Variants in BMS1 observed in about 807,000 individuals in gnomAD.
The protein encoded by BMS1 is ribosome biogenesis protein BMS1 homolog.
A neutral mutation model predicts 138.7 loss-of-function variants in BMS1; 53 were observed. That is an observed-to-expected ratio of 0.38 (90% CI 0.31 to 0.48). The LOEUF (loss-of-function observed/expected upper bound fraction) is 0.48. BMS1 is among the 20% of genes least tolerant of loss of function. The pLI is 0.97. For synonymous variants in BMS1, 504 were observed against 539.9 expected (o/e 0.93, Z 0.92); for missense variants, 1,360 against 1,565.5 (o/e 0.87, Z 2.22).
chr10:42,827,027 G>A (rs1185001765), intron 21 of BMS1, among the ~76,000 whole-genome samples: 2 of 152,130 alleles, frequency 1.3e-5, no homozygotes, highest in Non-Finnish European at 2.9e-5. Context: ...TGGGAGGTGG[G>A]GCCTAGTGGG....
chr10:42,810,115 G>C (rs1842129130), intron 13 of BMS1, among the ~76,000 whole-genome samples: 1 of 152,034 alleles, frequency 6.6e-6, no homozygotes, highest in Non-Finnish European at 1.5e-5. Flanking sequence ...TTCATTTTTT[G>C]AATGTTGAAG....
rs879940551 is a variant in BMS1, at chr10:42,811,520, C to CTTTTTTTTTTTTTTT, written c.2330-5074_2330-5073insTTTTTTTTTTTTTTT. 3.3e-5 allele frequency among the ~76,000 whole-genome samples: 4 copies of CTTTTTTTTTTTTTTT among 121,566 alleles called. 1 individual carries two copies. The highest frequency in any genetic ancestry group is 4.9e-5 in the Non-Finnish European group (3 of 61,514). The allele number at this position is 121,566 out of a possible 152,430, so 79.8% of individuals were successfully genotyped here. A position where few individuals can be genotyped will look rare whatever the true frequency, so the allele number is the denominator to read the frequency against. ...CACAAATGTTCACGTGTTGTATTTT[C>CTTTTTTTTTTTTTTT]TTTTTCTTTTTTTTTTTTTTTTGAG... On this transcript the variant is annotated intron_variant, in intron 13 of 22. Coordinates refer to ENST00000374518, the MANE Select transcript of BMS1 (RefSeq NM_014753.4).
intron 13 of BMS1, among the ~76,000 whole-genome samples, chr10:42,809,145 ATTTAT>A (rs1201229116): frequency 6.6e-6 from 1 of 152,074 alleles, no homozygotes; most frequent in Non-Finnish European, 1.5e-5. Context: ...CAGTATATTT[ATTTAT>A]TTTAGTTTTT....
rs755400315 is a variant in BMS1 at position 42,787,177 on chromosome 10, G to T, written c.377G>T (p.Arg126Leu). 8.2e-7 allele frequency: 1 copy of T among 1,219,868 alleles called. No individual in the cohort carries two copies. Among genetic ancestry groups the T allele is most frequent in the East Asian group, 2.3e-5 (1 of 43,094 alleles). The allele number at this position is 1,219,868 out of a possible 1,614,324, so 75.6% of individuals were successfully genotyped here. A position where few individuals can be genotyped will look rare whatever the true frequency, so the allele number is the denominator to read the frequency against. The part of the protein sequence containing the change: ...GPVTIVSGKK[R>L]RLTIIECGCD... ...ATCTTTTCACTTATAGGTAAAAAGC[G>T]CAGACTCACCATTATTGAATGTGGG... The change falls in exon 4 of 23, where the codon CGC becomes CTC. Residue 126 changes from arginine to leucine, a missense_variant. This residue lies in a region of BMS1 where 238 missense variants were observed against 311.1 expected (regional missense o/e 0.77). Transcript: ENST00000374518.
rs148758161 is a variant in BMS1 at position 42,788,150 on chromosome 10, CTAAA to C, written c.447+907_447+910del. ...GTTGTGCCATTGTAATGTCAGAAAA[CTAAA>C]TAACATTCAAATTTTGAACATGTAA... is the stretch of plus-strand genomic sequence containing the variant. On this transcript the variant is annotated intron_variant, in intron 4 of 22. Transcript: ENST00000374518. 4.1e-3 allele frequency among the ~76,000 whole-genome samples: 621 copies of C among 152,090 alleles called. 4 individuals are homozygous for C. Among genetic ancestry groups the C allele is most frequent in the African/African-American group, 0.014 (591 of 41,500 alleles).
intron 5 of BMS1, 41 bp downstream of exon 5, chr10:42,790,552 C>T: frequency 1.2e-6 from 2 of 1,600,256 alleles, no homozygotes; most frequent in Non-Finnish European, 1.7e-6. Flanking sequence ...CAGTATAATC[C>T]TTTTAAAATA....
intron 21 of BMS1, among the ~76,000 whole-genome samples, chr10:42,824,999 T>G (rs1009819016): frequency 1.3e-5 from 2 of 152,128 alleles, no homozygotes; most frequent in African/African-American, 4.8e-5. Flanking sequence ...GTTTCAGGAT[T>G]GTTTTTTCTT....
At chr10:42,817,181 G>A (rs1797310702) in intron 14 of BMS1, 137 bp from the exon 15 acceptor site, 4 of 702,246 alleles carry the variant, frequency 5.7e-6, no homozygotes, top group South Asian at 2.0e-5. Flanking sequence ...AGGTTGTGTT[G>A]TGTTTTCTTT....
At chr10:42,821,019 C>T (rs1328185084) in intron 18 of BMS1, 27 bp downstream of exon 18, 7 of 1,509,658 alleles carry the variant, frequency 4.6e-6, no homozygotes, top group East Asian at 4.5e-5. Context: ...ATTTCTTTTA[C>T]AGATTGGTTT....
chr10:42,820,946 C>T lies in BMS1; in HGVS notation c.2963C>T (p.Pro988Leu), dbSNP rs1427832263. 1 of 1,603,246 alleles carries T rather than the reference C, an allele frequency of 6.2e-7. No individual in the cohort carries two copies. The highest frequency in any genetic ancestry group is 8.5e-7 in the Non-Finnish European group (1 of 1,177,922). ...CGAAFWGPITPQGTGFLAIQS... is the reference protein window; with the variant it reads ...CGAAFWGPITLQGTGFLAIQS... Reference sequence around the variant, plus strand: ...CTTTTCCTTTAAGGCCCTATCACTCCACAGGGAACTGGTTTCTTGGCAATA... The same window carrying T: ...CTTTTCCTTTAAGGCCCTATCACTCTACAGGGAACTGGTTTCTTGGCAATA... The change falls in exon 18 of 23, where the codon CCA (proline) becomes CTA (leucine). Residue 988 changes from proline (P) to leucine (L), a missense_variant. Pro to Leu is a moderately conservative substitution (Grantham distance 98, BLOSUM62 -3). Around this residue, in one of 3 missense-constraint regions of BMS1, gnomAD observed 425 missense variants for 568.3 expected, o/e 0.75. Coordinates refer to ENST00000374518, the MANE Select transcript of BMS1 (RefSeq NM_014753.4).
intron 4 of BMS1, among the ~76,000 whole-genome samples, chr10:42,787,687 T>C (rs1359887595): frequency 2.0e-5 from 3 of 152,202 alleles, no homozygotes; most frequent in African/African-American, 7.2e-5. Flanking sequence ...TTACATAAGA[T>C]GAAATAGAGC....
chr10:42,827,160 C>G (rs1246171022), intron 21 of BMS1, among the ~76,000 whole-genome samples: 1 of 152,138 alleles, frequency 6.6e-6, no homozygotes, highest in Non-Finnish European at 1.5e-5. Flanking sequence ...CTCGTGTTTC[C>G]TCTCTTGCCA....
At chr10:42,799,739 T>C (rs2132325542) in intron 12 of BMS1, among the ~76,000 whole-genome samples, 1 of 152,366 alleles carries the variant, frequency 6.6e-6, no homozygotes, top group African/African-American at 2.4e-5. Flanking sequence ...CCTTCCTCCC[T>C]GTAGAAGGAG....
intron 13 of BMS1, among the ~76,000 whole-genome samples, chr10:42,814,194 C>G (rs1247692503): frequency 1.3e-5 from 2 of 152,216 alleles, no homozygotes; most frequent in African/African-American, 4.8e-5. Flanking sequence ...TTTTGCAGCT[C>G]TGGTCTCCTG....
intron 13 of BMS1, among the ~76,000 whole-genome samples, chr10:42,811,686 G>A (rs1308952393): frequency 6.7e-5 from 10 of 150,060 alleles, no homozygotes; most frequent in East Asian, 4.0e-4. Flanking sequence ...CACTACGCCC[G>A]GCTAATTTTT....
At chr10:42,791,052 C>A (rs562396205) in intron 5 of BMS1, among the ~76,000 whole-genome samples, 2 of 151,856 alleles carry the variant, frequency 1.3e-5, no homozygotes, top group African/African-American at 2.4e-5. Context: ...TTCACAGTCT[C>A]TGGCCTGCTG....
At chr10:42,818,303 A>G (rs111477658) in intron 15 of BMS1, among the ~76,000 whole-genome samples, 3 of 152,322 alleles carry the variant, frequency 2.0e-5, no homozygotes, top group African/African-American at 7.2e-5. Flanking sequence ...TTTGCTTCAC[A>G]CCATTTACAA....
intron 13 of BMS1, among the ~76,000 whole-genome samples, chr10:42,804,636 T>A (rs910668187): frequency 6.6e-6 from 1 of 152,244 alleles, no homozygotes; most frequent in African/African-American, 2.4e-5. Flanking sequence ...CCAATTATTT[T>A]TGCCTAGCGT....
Position 42,784,541 on chromosome 10 carries a change from T to C in BMS1, c.147T>C (p.Ser49=), listed in dbSNP as rs1416640388. The C allele has an allele frequency of 6.2e-7, 1 of 1,613,874 alleles. No individual in the cohort carries two copies. The highest frequency in any genetic ancestry group is 8.5e-7 in the Non-Finnish European group (1 of 1,179,810). ...ATCCCAAAGCTTTTGCAGTTCAGTC[T>C]GCTGTGCGGATGGCTCGATCCTTTC... ...KRNPKAFAVQ[S]AVRMARSFHR... is the part of the protein sequence containing the mutation. Residue 49 remains serine, a synonymous_variant, in exon 2 of 23, where the codon TCT becomes TCC. Coordinates refer to ENST00000374518, the MANE Select transcript of BMS1 (RefSeq NM_014753.4).
Sources: allele counts gnomAD v4.1 joint callset (sites outside exome capture counted in the v4.1 genomes callset), GRCh38; gene constraint gnomAD v4.1.1; regional missense constraint gnomAD v4.1.1; transcripts MANE v1.5; gene names NCBI Gene and HGNC (gene_info 2026-07-23, HGNC 2026-07-21).